HIBADH: variants seen among roughly 807,000 people sequenced by gnomAD.
HIBADH encodes the protein 3-hydroxyisobutyrate dehydrogenase.
HIBADH carries 25 observed loss-of-function variants against 36.1 expected under a neutral mutation model. The ratio of observed to expected loss-of-function variants is 0.69; its 90% CI spans 0.50 to 0.97. The LOEUF (loss-of-function observed/expected upper bound fraction) is 0.97. Ranked by LOEUF, HIBADH falls within the 50% of genes least tolerant of loss-of-function variation. The probability of loss-of-function intolerance (pLI) is 0.00; values close to 1 mark genes in which losing one functional copy is unlikely to be tolerated. For missense variants in HIBADH, 421 were observed against 418.0 expected (o/e 1.01, Z -0.06); for synonymous variants, 160 against 149.5 (o/e 1.07, Z -0.51).
intron 4 of HIBADH, among the ~76,000 whole-genome samples, chr7:27,576,493 CT>C (rs946305171): frequency 3.3e-5 from 5 of 152,254 alleles, no homozygotes; most frequent in African/African-American, 1.2e-4. Flanking sequence ...TTTATTGGCT[CT>C]CCTGACTGTT....
intron 4 of HIBADH, among the ~76,000 whole-genome samples, chr7:27,605,775 T>C (rs905469833): frequency 6.6e-6 from 1 of 152,050 alleles, no homozygotes; most frequent in Non-Finnish European, 1.5e-5. Context: ...TGATATCAGA[T>C]GTAGTTTTCA....
At chr7:27,655,888 G>A (rs944150534) in intron 1 of HIBADH, among the ~76,000 whole-genome samples, 2 of 152,062 alleles carry the variant, frequency 1.3e-5, no homozygotes, top group Non-Finnish European at 2.9e-5. Flanking sequence ...AATAACTGAT[G>A]AAAACATATG....
Position 27,629,397 on chromosome 7 carries a change from ACTGCT to A in HIBADH, c.453_457del (p.Ala152PhefsTer26). ...ACCAGAAACAGGGGCATCCATGAAAACTGCTCCCATTTTCTCAACTTCTTTGGCCA... is the reference window on the plus strand; with the variant it reads ...ACCAGAAACAGGGGCATCCATGAAAACCCATTTTCTCAACTTCTTTGGCCA... On this transcript the variant is annotated frameshift_variant, in exon 4 of 8. Transcript: ENST00000265395. LOFTEE classifies it high-confidence loss of function. 1.2e-6 allele frequency: 2 copies of A among 1,612,080 alleles called. No individual in the cohort carries two copies. The highest frequency in any genetic ancestry group is 1.7e-6 in the Non-Finnish European group (2 of 1,178,966).
chr7:27,609,563 G>A (rs1785289450), intron 4 of HIBADH, among the ~76,000 whole-genome samples: 1 of 152,160 alleles, frequency 6.6e-6, no homozygotes, highest in Non-Finnish European at 1.5e-5. Flanking sequence ...ACCCAGTTCT[G>A]TGTACTAGTA....
At chr7:27,644,916 T>C (rs1490689643) in intron 2 of HIBADH, among the ~76,000 whole-genome samples, 1 of 152,222 alleles carries the variant, frequency 6.6e-6, no homozygotes, top group East Asian at 1.9e-4. Context: ...GTCTATAGTA[T>C]GTGGTTTTTT....
At chr7:27,600,069 CA>C (rs1468554605) in intron 4 of HIBADH, among the ~76,000 whole-genome samples, 1 of 152,042 alleles carries the variant, frequency 6.6e-6, no homozygotes, top group Admixed American at 6.5e-5. Context: ...CCTTAAACAA[CA>C]AAAACAGAAT....
At chr7:27,655,018 G>A (rs1052753433) in intron 1 of HIBADH, among the ~76,000 whole-genome samples, 2 of 151,972 alleles carry the variant, frequency 1.3e-5, no homozygotes, top group African/African-American at 4.8e-5. Context: ...TAGCTTCACC[G>A]GCTTATATAC....
chr7:27,613,678 G>GT (rs1785375487), intron 4 of HIBADH, among the ~76,000 whole-genome samples: 1 of 66,260 alleles, frequency 1.5e-5, no homozygotes, highest in African/African-American at 6.9e-5. Context: ...TTTTTTTTTT[G>GT]AGACAGGTCT....
At chr7:27,653,334 T>C (rs1029887099) in intron 1 of HIBADH, among the ~76,000 whole-genome samples, 1 of 152,124 alleles carries the variant, frequency 6.6e-6, no homozygotes, top group Non-Finnish European at 1.5e-5. Context: ...AGTAAGAGAA[T>C]AGTGTTATCA....
chr7:27,632,642 T>C (rs538191944), intron 2 of HIBADH, among the ~76,000 whole-genome samples, 197 bp from the exon 3 acceptor site: 35 of 149,550 alleles, frequency 2.3e-4, no homozygotes, highest in Non-Finnish European at 4.9e-4. Context: ...CATATACAGA[T>C]GCAGTTTCTG....
chr7:27,661,846 G>T (rs1250566888), intron 1 of HIBADH, among the ~76,000 whole-genome samples: 1 of 152,000 alleles, frequency 6.6e-6, no homozygotes, highest in Admixed American at 6.6e-5. Flanking sequence ...AAGGAATTAG[G>T]AACAACTGAT....
intron 1 of HIBADH, among the ~76,000 whole-genome samples, chr7:27,651,428 A>G (rs1011485885): frequency 2.0e-4 from 30 of 152,220 alleles, no homozygotes; most frequent in African/African-American, 7.0e-4. Flanking sequence ...CAATGACAGA[A>G]AAGTGACACC....
intron 4 of HIBADH, among the ~76,000 whole-genome samples, chr7:27,615,008 A>C (rs1785402006): frequency 6.6e-6 from 1 of 152,222 alleles, no homozygotes; most frequent in Admixed American, 6.5e-5. Flanking sequence ...TGAATCTAAA[A>C]CAGAAATGTT....
intron 2 of HIBADH, among the ~76,000 whole-genome samples, chr7:27,638,950 G>A (rs1406355365): frequency 1.3e-5 from 2 of 152,146 alleles, no homozygotes; most frequent in African/African-American, 4.8e-5. Flanking sequence ...AGAGATGCTG[G>A]CAAGGTTGCA....
chr7:27,582,385 T>C (rs1784806174), intron 4 of HIBADH, among the ~76,000 whole-genome samples: 3 of 152,128 alleles, frequency 2.0e-5, no homozygotes, highest in African/African-American at 4.8e-5. Context: ...GGATGTTACA[T>C]AGCATATGGT....
At chr7:27,571,230 AT>A (rs5883089) in intron 4 of HIBADH, among the ~76,000 whole-genome samples, 115,096 of 151,010 alleles carry the variant, frequency 0.76, 44,316 homozygotes, top group East Asian at 0.94. Context: ...TTTTATTTTT[AT>A]TTTTTTTTGA....
intron 6 of HIBADH, among the ~76,000 whole-genome samples, chr7:27,537,979 T>A (rs1299273744): frequency 2.6e-5 from 4 of 152,166 alleles, no homozygotes; most frequent in Non-Finnish European, 5.9e-5. Flanking sequence ...TAAAACCATG[T>A]CTTATACAAA....
intron 3 of HIBADH, among the ~76,000 whole-genome samples, chr7:27,629,894 AATTT>A (rs1325424604): frequency 3.9e-5 from 6 of 152,286 alleles, no homozygotes; most frequent in South Asian, 4.1e-4. Flanking sequence ...TTTAAAAAGT[AATTT>A]ATTTGTCTTT....
chr7:27,563,413 C>T (rs549510344), intron 4 of HIBADH, among the ~76,000 whole-genome samples: 2 of 152,120 alleles, frequency 1.3e-5, no homozygotes, highest in South Asian at 2.1e-4. Flanking sequence ...GAAGGTTTAC[C>T]GAGAGGTAGG....
Sources: gnomAD v4.1 joint callset for allele counts (sites outside exome capture counted in the v4.1 genomes callset) on GRCh38, gnomAD v4.1.1 for gene constraint, MANE v1.5 for transcripts, NCBI Gene and HGNC (gene_info 2026-07-23, HGNC 2026-07-21) for gene names.